The following SLC9A4 variants were observed in gnomAD, a reference collection of about 807,000 sequenced individuals.
SLC9A4 encodes sodium/hydrogen exchanger 4.
In SLC9A4, 63 loss-of-function variants were observed where a neutral mutation model predicts 67.4. That is an observed-to-expected ratio of 0.93 (90% CI 0.76 to 1.15). The LOEUF (loss-of-function observed/expected upper bound fraction) is 1.15, where lower values mean the gene tolerates loss of function less well. Among genes scored for constraint, SLC9A4 ranks in the 50% most tolerant of loss-of-function variants. The pLI is 0.00. For synonymous variants in SLC9A4, 393 were observed against 367.2 expected, an observed-to-expected ratio of 1.07 and a Z score of -0.80; for missense variants, 1,089 against 987.7, an observed-to-expected ratio of 1.10 and a Z score of -1.38.
At chr2:102,517,040 A>G (rs1283239983) in intron 8 of SLC9A4, among the ~76,000 whole-genome samples, 1 of 152,200 alleles carries the variant, frequency 6.6e-6, no homozygotes, top group Non-Finnish European at 1.5e-5. Context: ...ACAGGTATAA[A>G]TTCACATTTC....
chr2:102,519,736 T>A (rs545552866), intron 8 of SLC9A4, 123 bp from the exon 9 acceptor site: 176 of 773,034 alleles, frequency 2.3e-4, no homozygotes, highest in Non-Finnish European at 3.3e-4. Context: ...ATAGGAAAAA[T>A]TATATGTAGG....
At chr2:102,492,962 G>T (rs1361946429) in intron 2 of SLC9A4, among the ~76,000 whole-genome samples, 3 of 152,200 alleles carry the variant, frequency 2.0e-5, no homozygotes, top group African/African-American at 7.2e-5. Context: ...GGGGCAAAAT[G>T]CTGCCAGTCT....
At chr2:102,506,383 A>G (rs993309228) in intron 4 of SLC9A4, among the ~76,000 whole-genome samples, 1 of 152,238 alleles carries the variant, frequency 6.6e-6, no homozygotes, top group African/African-American at 2.4e-5. Context: ...CTGATAACCT[A>G]TCTTGAACAT....
rs772488129 is a variant in SLC9A4, at chr2:102,478,796, C to T, written c.257-43C>T. The T allele has an allele frequency of 3.2e-6, 5 of 1,580,048 alleles. No homozygotes were observed. In the African/African-American group the frequency reaches 4.0e-5, roughly 13 times the overall value. On this transcript the variant is annotated intron_variant, in intron 1 of 11. Coordinates refer to ENST00000295269, the MANE Select transcript of SLC9A4 (RefSeq NM_001011552.4). ...TAAAAGACCTCAGGTACACCCAGACCGTTTCGTTTGCAAGCACCTAACTGC... is the reference window on the plus strand; with the variant it reads ...TAAAAGACCTCAGGTACACCCAGACTGTTTCGTTTGCAAGCACCTAACTGC...
chr2:102,522,079 A>G (rs1453087786), intron 9 of SLC9A4, among the ~76,000 whole-genome samples: 3 of 152,202 alleles, frequency 2.0e-5, no homozygotes, highest in African/African-American at 7.2e-5. Flanking sequence ...CCACAGAAGA[A>G]GCTCTCTGAA....
rs1684274335 is a variant in SLC9A4 at position 102,473,918 on chromosome 2, A to G, written c.159A>G (p.Pro53=). The G allele has an allele frequency of 8.7e-6, 14 of 1,614,134 alleles. No homozygotes were observed. Among genetic ancestry groups the G allele is most frequent in the Non-Finnish European group, 1.2e-5 (14 of 1,179,966 alleles). ...NAWFAAASSE[P]EEGISVFELD... ...GGTTTGCTGCTGCCAGCTCAGAGCCAGAGGAAGGGATATCTGTTTTTGAAC... is the reference window on the plus strand; with the variant it reads ...GGTTTGCTGCTGCCAGCTCAGAGCCGGAGGAAGGGATATCTGTTTTTGAAC... The change falls in exon 1 of 12, where the codon CCA becomes CCG. Residue 53 remains proline, a synonymous_variant. Transcript: ENST00000295269.
At chr2:102,507,305 T>C (rs1015052283) in intron 4 of SLC9A4, among the ~76,000 whole-genome samples, 1 of 152,240 alleles carries the variant, frequency 6.6e-6, no homozygotes, top group Admixed American at 6.5e-5. Context: ...CATGAGGATG[T>C]GGAGAGTTTT....
At chr2:102,474,675 C>T (rs1323038194) in intron 1 of SLC9A4, among the ~76,000 whole-genome samples, 1 of 152,180 alleles carries the variant, frequency 6.6e-6, no homozygotes, top group African/African-American at 2.4e-5. Flanking sequence ...ATCAAGGGAT[C>T]TTTGTGTCAA....
intron 2 of SLC9A4, among the ~76,000 whole-genome samples, chr2:102,499,723 C>A (rs1021535398): frequency 5.9e-5 from 9 of 152,178 alleles, no homozygotes; most frequent in Non-Finnish European, 8.8e-5. Context: ...AGAAGGCAAG[C>A]CTATTATAAC....
chr2:102,483,919 A>G (rs1234448594), intron 2 of SLC9A4, among the ~76,000 whole-genome samples: 1 of 148,880 alleles, frequency 6.7e-6, no homozygotes, highest in African/African-American at 2.4e-5. Flanking sequence ...ATATTTATAT[A>G]TTAACATATT....
At chr2:102,474,036 T>C (rs1684277575) in intron 1 of SLC9A4, 21 bp downstream of exon 1, 2 of 1,606,632 alleles carry the variant, frequency 1.2e-6, no homozygotes, top group Middle Eastern at 1.7e-4. Flanking sequence ...AAACACCTGG[T>C]TTGGTGAGTT....
chr2:102,498,462 T>C (rs1340509808), intron 2 of SLC9A4, among the ~76,000 whole-genome samples: 1 of 152,224 alleles, frequency 6.6e-6, no homozygotes, highest in East Asian at 1.9e-4. Flanking sequence ...GTGGCAACAA[T>C]ATTCAAATCT....
intron 1 of SLC9A4, among the ~76,000 whole-genome samples, chr2:102,476,722 GAGA>G (rs1435648019): frequency 6.6e-6 from 1 of 152,052 alleles, no homozygotes; most frequent in Non-Finnish European, 1.5e-5. Flanking sequence ...GATGGATAAG[GAGA>G]AGGAGGAGGA....
At chr2:102,513,126 C>T (rs1419506540) in intron 7 of SLC9A4, among the ~76,000 whole-genome samples, 1 of 152,024 alleles carries the variant, frequency 6.6e-6, no homozygotes, top group African/African-American at 2.4e-5. Context: ...AGGTGATTAC[C>T]GTGGGCTGAG....
intron 6 of SLC9A4, among the ~76,000 whole-genome samples, chr2:102,511,814 A>T (rs965691941): frequency 3.3e-5 from 5 of 151,768 alleles, no homozygotes; most frequent in Non-Finnish European, 7.4e-5. Context: ...ATGAAATTAA[A>T]AGTAAGTTAT....
chr2:102,492,264 C>A (rs1387371373), intron 2 of SLC9A4, among the ~76,000 whole-genome samples: 1 of 152,248 alleles, frequency 6.6e-6, no homozygotes, highest in African/African-American at 2.4e-5. Context: ...CTAGGCAGCA[C>A]CCAAATGGGG....
chr2:102,482,691 G>C (rs1421091215), intron 2 of SLC9A4, among the ~76,000 whole-genome samples: 5 of 152,138 alleles, frequency 3.3e-5, no homozygotes, highest in Non-Finnish European at 5.9e-5. Context: ...TACTGACAAT[G>C]TCCTGGAGGG....
chr2:102,528,168 C>T (rs1282452927), intron 11 of SLC9A4, among the ~76,000 whole-genome samples: 1 of 152,000 alleles, frequency 6.6e-6, no homozygotes, highest in Non-Finnish European at 1.5e-5. Context: ...CCACCACACC[C>T]GGCCAATTTT....
chr2:102,476,824 A>G (rs977046747), intron 1 of SLC9A4, among the ~76,000 whole-genome samples: 5 of 152,158 alleles, frequency 3.3e-5, no homozygotes, highest in Middle Eastern at 3.2e-3. Context: ...GAGAAATAGG[A>G]GGAGAAGAAG....
Sources: gnomAD v4.1 joint callset for allele counts (sites outside exome capture counted in the v4.1 genomes callset) on GRCh38, gnomAD v4.1.1 for gene constraint, MANE v1.5 for transcripts, NCBI Gene and HGNC (gene_info 2026-07-23, HGNC 2026-07-21) for gene names.